The following ARHGAP24 variants were observed in gnomAD, a reference collection of about 807,000 sequenced individuals.
ARHGAP24 encodes the protein rho GTPase-activating protein 24.
ARHGAP24 carries 50 observed loss-of-function variants against 76.4 expected under a neutral mutation model. The observed-to-expected ratio is 0.65, with a 90% confidence interval of 0.52 to 0.83. The LOEUF (loss-of-function observed/expected upper bound fraction) is 0.83, where lower values mean the gene tolerates loss of function less well. Ranked by LOEUF, ARHGAP24 falls within the 40% of genes least tolerant of loss-of-function variation. ARHGAP24 has a pLI of 0.00. For synonymous variants in ARHGAP24, 345 were observed against 323.3 expected (o/e 1.07, Z -0.72); for missense variants, 930 against 914.2 (o/e 1.02, Z -0.22).
intron 3 of ARHGAP24, among the ~76,000 whole-genome samples, chr4:85,723,988 AT>A (rs1260644531): frequency 1.3e-5 from 2 of 152,066 alleles, no homozygotes; most frequent in Non-Finnish European, 2.9e-5. Context: ...ATATTTTTCA[AT>A]TTTTTCAATG....
intron 2 of ARHGAP24, among the ~76,000 whole-genome samples, chr4:85,606,719 C>T (rs940419558): frequency 1.3e-5 from 2 of 152,054 alleles, no homozygotes; most frequent in African/African-American, 4.8e-5. Context: ...TTCCAAGCCC[C>T]AGGGATAGAC....
At chr4:85,938,788 G>A (rs1184988664) in intron 4 of ARHGAP24, among the ~76,000 whole-genome samples, 3 of 151,638 alleles carry the variant, frequency 2.0e-5, no homozygotes, top group Admixed American at 2.0e-4. Flanking sequence ...ATTGCTTTGG[G>A]GGGCAGCATG....
intron 1 of ARHGAP24, among the ~76,000 whole-genome samples, chr4:85,476,757 A>C (rs1230328987): frequency 6.6e-6 from 1 of 152,268 alleles, no homozygotes; most frequent in Non-Finnish European, 1.5e-5. Context: ...TGGGCATTGT[A>C]AAATAAAACA....
intron 1 of ARHGAP24, among the ~76,000 whole-genome samples, chr4:85,496,873 C>T (rs774068730): frequency 1.3e-5 from 2 of 152,020 alleles, no homozygotes; most frequent in Non-Finnish European, 1.5e-5. Context: ...AGAAAAGTCC[C>T]GCCAACAAAA....
In ARHGAP24 at chr4:85,848,907, G is replaced by A. The variant is rs115400104; in HGVS notation, c.269-74741G>A. ...ATGTTTCCAGCTTTGTTCTTTTTGCGTAGGACTGTCTTGGAAATGCGGGCT... is the reference window on the plus strand; with the variant it reads ...ATGTTTCCAGCTTTGTTCTTTTTGCATAGGACTGTCTTGGAAATGCGGGCT... On this transcript the variant is annotated intron_variant, in intron 3 of 9. Transcript: ENST00000395184. Among the ~76,000 whole-genome samples, 651 of 152,192 alleles carry A rather than the reference G, an allele frequency of 4.3e-3. 3 individuals carry two copies. Among genetic ancestry groups the A allele is most frequent in the African/African-American group, 0.014 (574 of 41,508 alleles).
At chr4:85,944,078 A>T (rs1465780218) in intron 5 of ARHGAP24, among the ~76,000 whole-genome samples, 1 of 152,182 alleles carries the variant, frequency 6.6e-6, no homozygotes, top group Non-Finnish European at 1.5e-5. Context: ...TCCCACCAAC[A>T]GTGTAAAAGT....
intron 2 of ARHGAP24, among the ~76,000 whole-genome samples, chr4:85,685,337 T>A (rs534020433): frequency 1.4e-4 from 22 of 152,154 alleles, no homozygotes; most frequent in African/African-American, 4.8e-4. Flanking sequence ...TCAACAGAAG[T>A]CTCCACAAAG....
At chr4:85,643,758 T>C (rs1427686855) in intron 2 of ARHGAP24, among the ~76,000 whole-genome samples, 6 of 152,130 alleles carry the variant, frequency 3.9e-5, no homozygotes, top group Non-Finnish European at 5.9e-5. Context: ...TCTTTTGATA[T>C]TGGTTTTCAG....
At chr4:85,643,239 T>G (rs1721595044) in intron 2 of ARHGAP24, among the ~76,000 whole-genome samples, 2 of 2,572 alleles carry the variant, frequency 7.8e-4, no homozygotes, top group African/African-American at 3.5e-3. Flanking sequence ...TTTGTGTTTT[T>G]TTTTTTTTTT....
intron 1 of ARHGAP24, among the ~76,000 whole-genome samples, chr4:85,528,197 GAGATTGGGTC>G (rs1381625611): frequency 1.8e-4 from 27 of 152,172 alleles, no homozygotes; most frequent in African/African-American, 6.5e-4. Flanking sequence ...GAAAAAGACA[GAGATTGGGTC>G]AGATTGTAGC....
At chr4:85,786,241 C>T (rs1268834731) in intron 3 of ARHGAP24, among the ~76,000 whole-genome samples, 2 of 151,626 alleles carry the variant, frequency 1.3e-5, no homozygotes, top group Admixed American at 1.3e-4. Flanking sequence ...GAACCTGCAG[C>T]CATACTGGCA....
At chr4:85,923,849 A>G in intron 4 of ARHGAP24, 79 bp downstream of exon 4, 5 of 1,596,266 alleles carry the variant, frequency 3.1e-6, no homozygotes, top group Middle Eastern at 1.7e-4. Flanking sequence ...GAATGTTACT[A>G]TTAGCTCCTG....
intron 3 of ARHGAP24, among the ~76,000 whole-genome samples, chr4:85,910,552 A>T (rs6820289): frequency 0.11 from 16,858 of 152,062 alleles, 985 homozygotes; most frequent in South Asian, 0.13. Flanking sequence ...TGGAGTGGGA[A>T]GCTCCTCTCT....
intron 3 of ARHGAP24, among the ~76,000 whole-genome samples, chr4:85,735,546 T>C (rs1306123657): frequency 1.3e-5 from 2 of 152,208 alleles, no homozygotes; most frequent in Non-Finnish European, 2.9e-5. Context: ...CATTCTTCAT[T>C]TGGCTTTTAG....
In ARHGAP24 at chr4:85,475,326, G is replaced by A. The variant is rs1722523367; in HGVS notation, c.-254G>A. The A allele has an allele frequency of 6.5e-6, 1 of 152,802 alleles. No homozygotes were observed. Among genetic ancestry groups the A allele is most frequent in the Non-Finnish European group, 1.5e-5 (1 of 68,368 alleles). 9.5% of individuals were successfully genotyped at this position (152,802 alleles called of 1,614,324 possible). ...CCTGGCGGGGGTGGCTGGGTGGCTG[G>A]GGGAATCCCCCCAACTTCCCATCGC... is the stretch of plus-strand genomic sequence containing the variant. On this transcript the variant is annotated 5_prime_UTR_variant, in exon 1 of 10. Transcript: ENST00000395184.
intron 3 of ARHGAP24, among the ~76,000 whole-genome samples, chr4:85,814,784 C>T (rs563905020): frequency 6.6e-6 from 1 of 152,146 alleles, no homozygotes; most frequent in Non-Finnish European, 1.5e-5. Context: ...TCTCATAGCT[C>T]CACTAGGAGG....
At chr4:85,750,700 T>G (rs1474573894) in intron 3 of ARHGAP24, among the ~76,000 whole-genome samples, 1 of 151,996 alleles carries the variant, frequency 6.6e-6, no homozygotes, top group Non-Finnish European at 1.5e-5. Context: ...TTCACCATGT[T>G]GCCCAGGCTG....
chr4:85,937,861 CAG>C (rs1353463951), intron 4 of ARHGAP24, among the ~76,000 whole-genome samples: 2 of 152,214 alleles, frequency 1.3e-5, no homozygotes, highest in East Asian at 3.9e-4. Context: ...GAAAAGGAGA[CAG>C]AGTCACATAC....
chr4:85,573,137 A>G (rs1727208527), intron 2 of ARHGAP24, among the ~76,000 whole-genome samples: 1 of 152,112 alleles, frequency 6.6e-6, no homozygotes, highest in African/African-American at 2.4e-5. Flanking sequence ...TCAGCCTCCC[A>G]AAGTGCTAGG....
Sources: gnomAD v4.1 joint callset for allele counts (sites outside exome capture counted in the v4.1 genomes callset) on GRCh38, gnomAD v4.1.1 for gene constraint, MANE v1.5 for transcripts, NCBI Gene and HGNC (gene_info 2026-07-23, HGNC 2026-07-21) for gene names.